The following HERPUD2 variants were observed in gnomAD, a reference collection of about 807,000 sequenced individuals.
HERPUD2 encodes homocysteine-responsive endoplasmic reticulum-resident ubiquitin-like domain member 2 protein.
A neutral mutation model predicts 49.9 loss-of-function variants in HERPUD2; 13 were observed. The observed-to-expected ratio is 0.26, with a 90% CI of 0.17 to 0.41. HERPUD2 has a LOEUF of 0.41. Among genes scored for constraint, HERPUD2 ranks in the 10% least tolerant of loss-of-function variants. HERPUD2 has a pLI of 1.00. For missense variants in HERPUD2, 449 were observed against 492.2 expected (o/e 0.91, Z 0.83); for synonymous variants, 172 against 171.4 (o/e 1.00, Z -0.03).
intron 3 of HERPUD2, among the ~76,000 whole-genome samples, chr7:35,672,061 C>T (rs1158696310): frequency 6.6e-6 from 1 of 151,844 alleles, no homozygotes; most frequent in Non-Finnish European, 1.5e-5. Flanking sequence ...AAGTGCAACA[C>T]CAAGAGTGAA....
intron 5 of HERPUD2, among the ~76,000 whole-genome samples, chr7:35,653,658 G>T (rs1418162664): frequency 5.3e-5 from 8 of 151,652 alleles, no homozygotes; most frequent in Non-Finnish European, 1.2e-4. Flanking sequence ...TGTATGTTAG[G>T]CCACAAAACA....
In HERPUD2 at chr7:35,638,412, C is replaced by T. The variant is rs148883595; in HGVS notation, c.555G>A (p.Ala185=). 793 of 1,613,542 alleles carry T rather than the reference C, an allele frequency of 4.9e-4. 1 individual carries two copies. The highest frequency in any genetic ancestry group is 6.3e-4 in the Non-Finnish European group (746 of 1,179,584). ...ACCATAGCATCTGCAGTGGGCTAAA[C>T]GCGGGATACACTGGGAATCCAGGTG... is the stretch of plus-strand genomic sequence containing the variant. The part of the protein sequence containing the change: ...AAPPGFPVYP[A]FSPLQMLWWQ... Residue 185 remains alanine (A), a synonymous_variant, in exon 6 of 9, where the codon GCG becomes GCA. Coordinates refer to ENST00000311350, the MANE Select transcript of HERPUD2 (RefSeq NM_022373.5).
intron 5 of HERPUD2, among the ~76,000 whole-genome samples, chr7:35,647,468 C>T (rs1287329671): frequency 1.3e-5 from 2 of 152,156 alleles, no homozygotes; most frequent in African/African-American, 4.8e-5. Flanking sequence ...TAGTACACAG[C>T]AGATTCTAAA....
intron 2 of HERPUD2, among the ~76,000 whole-genome samples, chr7:35,687,620 A>G (rs1032968723): frequency 6.6e-6 from 1 of 152,256 alleles, no homozygotes; most frequent in Non-Finnish European, 1.5e-5. Context: ...AAGGTGAGGA[A>G]AGCTCACTTG....
intron 5 of HERPUD2, among the ~76,000 whole-genome samples, chr7:35,649,326 A>C (rs1317164022): frequency 6.6e-6 from 1 of 151,540 alleles, no homozygotes; most frequent in Admixed American, 6.6e-5. Context: ...TTTTTTTTTA[A>C]GTTTACAAAA....
chr7:35,634,215 T>C, intron 8 of HERPUD2, 97 bp downstream of exon 8: 1 of 772,922 alleles, frequency 1.3e-6, no homozygotes, highest in Non-Finnish European at 2.2e-6. Context: ...ATTTCACAAA[T>C]ACTTATGGAA....
chr7:35,635,925 A>C (rs1784864591), intron 6 of HERPUD2, among the ~76,000 whole-genome samples: 1 of 152,216 alleles, frequency 6.6e-6, no homozygotes, highest in African/African-American at 2.4e-5. Flanking sequence ...GTCAGTGATA[A>C]ATGATTTGTA....
intron 2 of HERPUD2, among the ~76,000 whole-genome samples, chr7:35,690,122 A>C (rs1170513936): frequency 6.6e-6 from 1 of 152,228 alleles, no homozygotes; most frequent in Admixed American, 6.5e-5. Context: ...ACCAAACAGC[A>C]ATTACCTAAA....
intron 5 of HERPUD2, among the ~76,000 whole-genome samples, chr7:35,657,512 T>C (rs2115906280): frequency 6.6e-6 from 1 of 150,858 alleles, no homozygotes; most frequent in South Asian, 2.1e-4. Flanking sequence ...ATTCCAGTAC[T>C]TTGGGAGGCC....
At chr7:35,669,915 C>T (rs934265165) in intron 4 of HERPUD2, among the ~76,000 whole-genome samples, 4 of 151,800 alleles carry the variant, frequency 2.6e-5, no homozygotes, top group South Asian at 2.1e-4. Flanking sequence ...ATTATATAAC[C>T]GTAACATAAT....
At chr7:35,682,775 C>T (rs1785942930) in intron 2 of HERPUD2, among the ~76,000 whole-genome samples, 1 of 150,112 alleles carries the variant, frequency 6.7e-6, no homozygotes, top group African/African-American at 2.5e-5. Flanking sequence ...ATACCAACAG[C>T]AACCAAGCGG....
chr7:35,636,186 C>A (rs1294831810), intron 6 of HERPUD2, among the ~76,000 whole-genome samples: 1 of 152,168 alleles, frequency 6.6e-6, no homozygotes, highest in Admixed American at 6.5e-5. Context: ...ATAAGACTGA[C>A]ATGAATTGAT....
intron 5 of HERPUD2, among the ~76,000 whole-genome samples, chr7:35,654,103 C>G (rs1424047648): frequency 6.6e-6 from 1 of 151,624 alleles, no homozygotes; most frequent in African/African-American, 2.4e-5. Context: ...GCAATAAATG[C>G]TCACATCAAA....
chr7:35,654,455 G>C lies in HERPUD2; in HGVS notation c.494+12979C>G, dbSNP rs192307956. Among the ~76,000 whole-genome samples, 433 of 151,902 alleles carry C rather than the reference G, an allele frequency of 2.9e-3. 2 individuals are homozygous for C. Among genetic ancestry groups the C allele is most frequent in the African/African-American group, 0.01 (421 of 41,490 alleles). On this transcript the variant is annotated intron_variant, in intron 5 of 8. Transcript: ENST00000311350. ...ATACATCAGAAAACCAAGCTATTAT[G>C]AACAACTACACACTAATACATTAGA... is the stretch of plus-strand genomic sequence containing the variant.
At chr7:35,634,468 G>T in intron 7 of HERPUD2, 39 bp from the exon 8 acceptor site, 2 of 1,286,874 alleles carry the variant, frequency 1.6e-6, no homozygotes, top group Non-Finnish European at 2.2e-6. Flanking sequence ...ATAAGTCACA[G>T]TTGTTTTTAT....
intron 5 of HERPUD2, among the ~76,000 whole-genome samples, chr7:35,642,659 C>A (rs1460532280): frequency 6.6e-6 from 1 of 152,158 alleles, no homozygotes; most frequent in Non-Finnish European, 1.5e-5. Flanking sequence ...TTTGCGGGAA[C>A]ATGGATGGAG....
chr7:35,694,249 A>C lies in HERPUD2; in HGVS notation c.82T>G (p.Cys28Gly), dbSNP rs758025711. ...NQKYSDQTIS[C>G]FLNWTVGKLK... Reference sequence around the variant, plus strand: ...TTCCCCACGGTCCAGTTCAAGAAGCAGCTAATAGTCTGGTCACTGTATTTC... The same window carrying C: ...TTCCCCACGGTCCAGTTCAAGAAGCCGCTAATAGTCTGGTCACTGTATTTC... Residue 28 changes from cysteine (C) to glycine (G), a missense_variant, in exon 2 of 9, where the codon TGC becomes GGC. By Grantham distance (159) the Cys-to-Gly change is radical (BLOSUM62 -3). Coordinates refer to ENST00000311350, the MANE Select transcript of HERPUD2 (RefSeq NM_022373.5). 1.9e-6 allele frequency: 3 copies of C among 1,614,138 alleles called. No individual in the cohort carries two copies. The highest frequency in any genetic ancestry group is 2.5e-6 in the Non-Finnish European group (3 of 1,179,990).
chr7:35,662,028 T>A (rs537685625), intron 5 of HERPUD2, among the ~76,000 whole-genome samples: 1 of 152,344 alleles, frequency 6.6e-6, no homozygotes, highest in East Asian at 1.9e-4. Context: ...AAACAGCTTT[T>A]ACTATTTTGA....
chr7:35,658,140 T>G (rs532951541), intron 5 of HERPUD2, among the ~76,000 whole-genome samples: 4 of 152,326 alleles, frequency 2.6e-5, no homozygotes, highest in African/African-American at 9.6e-5. Context: ...AGAACACTAT[T>G]TCACCGTAAA....
Sources: allele counts gnomAD v4.1 joint callset (sites outside exome capture counted in the v4.1 genomes callset), GRCh38; gene constraint gnomAD v4.1.1; transcripts MANE v1.5; gene names NCBI Gene and HGNC (gene_info 2026-07-23, HGNC 2026-07-21).